The following DGKB variants were observed in gnomAD, a reference collection of about 807,000 sequenced individuals.
DGKB encodes diacylglycerol kinase beta.
Under a neutral mutation model 114.3 loss-of-function variants are expected in DGKB, and 67 were observed. The ratio of observed to expected loss-of-function variants is 0.59; its 90% CI spans 0.48 to 0.72. The LOEUF is 0.72. Ranked by LOEUF, DGKB falls within the 30% of genes least tolerant of loss-of-function variation. The probability of loss-of-function intolerance (pLI) is 0.00; values close to 1 mark genes in which losing one functional copy is unlikely to be tolerated. For missense variants in DGKB, 907 were observed against 975.2 expected (o/e 0.93, Z 0.93); for synonymous variants, 398 against 323.1 (o/e 1.23, Z -2.49).
Position 14,270,781 on chromosome 7 carries a change from C to T in DGKB, c.2122+67734G>A, listed in dbSNP as rs1417482227. ...CTGTGAAGCCCTGTGCTGGAATTTGCGGGTCTTGAAAGTTGCTTAAGGAGA... is the reference window on the plus strand; with the variant it reads ...CTGTGAAGCCCTGTGCTGGAATTTGTGGGTCTTGAAAGTTGCTTAAGGAGA... On this transcript the variant is annotated intron_variant, in intron 23 of 25. Transcript: ENST00000402815. 4.6e-5 allele frequency among the ~76,000 whole-genome samples: 7 copies of T among 152,190 alleles called. No individual in the cohort carries two copies. The East Asian group carries it at 1.4e-3, about 29-fold the overall frequency.
At chr7:14,421,672 T>C (rs998844109) in intron 21 of DGKB, among the ~76,000 whole-genome samples, 1 of 152,110 alleles carries the variant, frequency 6.6e-6, no homozygotes, top group Non-Finnish European at 1.5e-5. Flanking sequence ...TTTCCACAGA[T>C]ATTTTATTGG....
chr7:14,783,848 C>A (rs1192315341), intron 2 of DGKB, among the ~76,000 whole-genome samples: 2 of 152,274 alleles, frequency 1.3e-5, no homozygotes, highest in Non-Finnish European at 2.9e-5. Flanking sequence ...GAGATGGGAT[C>A]TTTTTCATAG....
intron 21 of DGKB, among the ~76,000 whole-genome samples, chr7:14,373,857 A>AC (rs1818068772): frequency 6.6e-6 from 1 of 151,206 alleles, no homozygotes; most frequent in South Asian, 2.1e-4. Context: ...TTCATTTTTC[A>AC]TTTTTTCATT....
rs1219857390 is a variant in DGKB at position 14,701,799 on chromosome 7, C to T, written c.467-69G>A. The T allele has an allele frequency of 3.8e-6, 4 of 1,063,768 alleles. No individual in the cohort carries two copies. In the East Asian group the frequency reaches 9.6e-5, roughly 25 times the overall value. The allele number at this position is 1,063,768 out of a possible 1,614,324, so 65.9% of individuals were successfully genotyped here. ...GATCAATGTTAGTTTAAAGTATATT[C>T]ATTAAAATTTAGTTTGTGTTGAAAA... On this transcript the variant is annotated intron_variant, in intron 6 of 25. Transcript: ENST00000402815.
At chr7:14,319,671 G>C (rs1023374807) in intron 23 of DGKB, among the ~76,000 whole-genome samples, 1 of 152,162 alleles carries the variant, frequency 6.6e-6, no homozygotes, top group African/African-American at 2.4e-5. Flanking sequence ...TAAATGATAT[G>C]TAGGCTGTAG....
intron 1 of DGKB, among the ~76,000 whole-genome samples, chr7:14,847,683 A>G (rs909747736): frequency 6.6e-6 from 1 of 152,244 alleles, no homozygotes; most frequent in African/African-American, 2.4e-5. Context: ...GCAAACTGTG[A>G]TAAGTTATAT....
intron 21 of DGKB, among the ~76,000 whole-genome samples, chr7:14,403,519 A>AT (rs1027328738): frequency 6.6e-4 from 20 of 30,176 alleles, no homozygotes; most frequent in South Asian, 4.9e-3. Flanking sequence ...ACCATTTTCC[A>AT]TTTTAAAAAA....
chr7:14,186,515 T>G (rs898159667), intron 23 of DGKB, among the ~76,000 whole-genome samples: 3 of 152,188 alleles, frequency 2.0e-5, no homozygotes, highest in African/African-American at 4.8e-5. Context: ...GTCCCTCTAC[T>G]GGGTGTCTAC....
At chr7:14,668,970 G>A (rs377587928) in intron 13 of DGKB, among the ~76,000 whole-genome samples, 3 of 152,088 alleles carry the variant, frequency 2.0e-5, no homozygotes, top group Admixed American at 6.6e-5. Flanking sequence ...CATCCAAGCC[G>A]ACTGGAATTA....
At chr7:14,501,015 A>G (rs183246105) in intron 20 of DGKB, among the ~76,000 whole-genome samples, 3 of 152,070 alleles carry the variant, frequency 2.0e-5, no homozygotes, top group Admixed American at 6.6e-5. Flanking sequence ...CAAAATTTAC[A>G]GAAAATATTA....
At chr7:14,433,253 C>T (rs552904605) in intron 21 of DGKB, among the ~76,000 whole-genome samples, 1 of 152,248 alleles carries the variant, frequency 6.6e-6, no homozygotes, top group African/African-American at 2.4e-5. Context: ...TTAGCTGATG[C>T]CTTTTTTTGA....
At chr7:14,566,378 T>C (rs866301721) in intron 20 of DGKB, among the ~76,000 whole-genome samples, 1 of 152,208 alleles carries the variant, frequency 6.6e-6, no homozygotes, top group African/African-American at 2.4e-5. Flanking sequence ...AGAATCTCAG[T>C]GACTGACATT....
intron 23 of DGKB, among the ~76,000 whole-genome samples, chr7:14,225,503 C>G (rs1189554797): frequency 6.6e-6 from 1 of 151,968 alleles, no homozygotes; most frequent in East Asian, 1.9e-4. Flanking sequence ...CCACAGAGCT[C>G]CTTATGTTGA....
At chr7:14,764,771 C>A (rs1284964157) in intron 2 of DGKB, among the ~76,000 whole-genome samples, 1 of 150,824 alleles carries the variant, frequency 6.6e-6, no homozygotes, top group Non-Finnish European at 1.5e-5. Flanking sequence ...AAAAAAAAAA[C>A]CTCATGAGAA....
chr7:14,367,485 G>A (rs1011088983), intron 21 of DGKB, among the ~76,000 whole-genome samples: 8 of 151,918 alleles, frequency 5.3e-5, no homozygotes, highest in African/African-American at 9.7e-5. Flanking sequence ...TTTCCGCCAC[G>A]GTCGTGAGGC....
intron 13 of DGKB, among the ~76,000 whole-genome samples, chr7:14,641,904 G>T (rs1464669492): frequency 2.0e-5 from 3 of 152,022 alleles, no homozygotes; most frequent in Admixed American, 1.3e-4. Context: ...CATGCAAATT[G>T]CACCAAGTAG....
At chr7:14,705,723 T>C (rs1826093330) in intron 6 of DGKB, among the ~76,000 whole-genome samples, 1 of 150,742 alleles carries the variant, frequency 6.6e-6, no homozygotes, top group East Asian at 2.0e-4. Context: ...CTAAGCTTCA[T>C]AAGTGAAGGA....
intron 1 of DGKB, among the ~76,000 whole-genome samples, chr7:14,948,279 C>A (rs907331892): frequency 6.6e-6 from 1 of 151,720 alleles, no homozygotes; most frequent in Non-Finnish European, 1.5e-5. Flanking sequence ...CTTGTCTTTG[C>A]ACTGAATTTT....
intron 21 of DGKB, among the ~76,000 whole-genome samples, chr7:14,386,743 A>G (rs892787917): frequency 6.6e-6 from 1 of 152,128 alleles, no homozygotes; most frequent in African/African-American, 2.4e-5. Flanking sequence ...TTCAGGTACA[A>G]CTCTCTCAGG....
Sources: gnomAD v4.1 joint callset for allele counts (sites outside exome capture counted in the v4.1 genomes callset) on GRCh38, gnomAD v4.1.1 for gene constraint, MANE v1.5 for transcripts, NCBI Gene and HGNC (gene_info 2026-07-23, HGNC 2026-07-21) for gene names.